HMCN1: variants seen among roughly 807,000 people sequenced by gnomAD.
HMCN1 encodes hemicentin-1.
In HMCN1, 321 loss-of-function variants were observed where a neutral mutation model predicts 625.9. That is an observed-to-expected ratio of 0.51 (90% CI 0.47 to 0.56). HMCN1 has a LOEUF of 0.56. HMCN1 is among the 20% of genes least tolerant of loss of function. HMCN1 has a pLI of 0.00. For synonymous variants in HMCN1, 2,425 were observed against 2,417.6 expected (o/e 1.00, Z -0.09); for missense variants, 6,588 against 6,887.3 (o/e 0.96, Z 1.54).
chr1:186,082,321 G>A (rs1466061842), intron 56 of HMCN1, among the ~76,000 whole-genome samples: 4 of 152,296 alleles, frequency 2.6e-5, no homozygotes, highest in Admixed American at 1.3e-4. Flanking sequence ...TCTTCCGGAT[G>A]TGGCCTTGGC....
intron 46 of HMCN1, among the ~76,000 whole-genome samples, chr1:186,058,389 G>A (rs550881786): frequency 1.1e-3 from 162 of 152,000 alleles, no homozygotes; most frequent in African/African-American, 3.7e-3. Context: ...GCAAGAGATC[G>A]TGTGCACTAT....
At chr1:186,176,845 TC>T (rs1652617207) in intron 103 of HMCN1, 1 of 152,294 alleles carries the variant, frequency 6.6e-6, no homozygotes. Context: ...AGCACTGTGA[TC>T]CAGGCAGCCT....
intron 38 of HMCN1, among the ~76,000 whole-genome samples, chr1:186,039,464 C>T (rs567151828): frequency 9.9e-5 from 15 of 152,040 alleles, no homozygotes; most frequent in East Asian, 3.9e-4. Flanking sequence ...AATTCCACTC[C>T]GGCATAAAAA....
chr1:185,740,137 A>C (rs944068261), intron 1 of HMCN1, among the ~76,000 whole-genome samples: 1 of 152,222 alleles, frequency 6.6e-6, no homozygotes, highest in Non-Finnish European at 1.5e-5. Context: ...CTCGTAGTCC[A>C]TTATGACTTT....
intron 4 of HMCN1, among the ~76,000 whole-genome samples, chr1:185,887,900 T>C (rs1327618386): frequency 7.0e-6 from 1 of 142,786 alleles, no homozygotes; most frequent in Admixed American, 6.8e-5. Context: ...TCCACAATGG[T>C]TGAACTAGTT....
At chr1:186,113,917 G>T (rs1661005120) in intron 72 of HMCN1, 62 bp from the exon 73 acceptor site, 1 of 1,557,102 alleles carries the variant, frequency 6.4e-7, no homozygotes, top group Admixed American at 1.7e-5. Flanking sequence ...CATCTTCAGG[G>T]TCTTCATGCA....
chr1:185,923,961 A>T (rs866665012), intron 8 of HMCN1, among the ~76,000 whole-genome samples: 2 of 152,198 alleles, frequency 1.3e-5, no homozygotes, highest in African/African-American at 4.8e-5. Flanking sequence ...ATATTTGCTT[A>T]AACTATCTAA....
intron 1 of HMCN1, among the ~76,000 whole-genome samples, chr1:185,772,095 G>A (rs1242456767): frequency 6.6e-6 from 1 of 152,116 alleles, no homozygotes; most frequent in Non-Finnish European, 1.5e-5. Flanking sequence ...TCTTATTTGA[G>A]GAACAACAAG....
At position 186,111,724 on chromosome 1, in the gene HMCN1, A is replaced by AT. The variant is rs750293539; in HGVS notation, c.10990-1082dup. On this transcript the variant is annotated intron_variant, in intron 71 of 106. Coordinates refer to ENST00000271588, the MANE Select transcript of HMCN1 (RefSeq NM_031935.3). ...CCATATAAAAGTTAAAAAATAAAAT[A>AT]TTTTTTATAGAACTTACTATACATA... 2.0e-5 allele frequency among the ~76,000 whole-genome samples: 3 copies of AT among 152,212 alleles called. No homozygotes were observed. The East Asian group carries it at 5.8e-4, about 29-fold the overall frequency.
intron 11 of HMCN1, 58 bp downstream of exon 11, chr1:185,933,882 T>A (rs1667686786): frequency 1.3e-6 from 2 of 1,532,716 alleles, no homozygotes; most frequent in Middle Eastern, 1.7e-4. Context: ...ATTTTTAAAA[T>A]TTTTGTCCTC....
chr1:186,176,029 G>A (rs1245722325), intron 103 of HMCN1, among the ~76,000 whole-genome samples: 1 of 152,106 alleles, frequency 6.6e-6, no homozygotes, highest in East Asian at 1.9e-4. Flanking sequence ...CTACCTTCCT[G>A]TATTGTTTTC....
intron 93 of HMCN1, among the ~76,000 whole-genome samples, chr1:186,147,592 T>C (rs1469371389): frequency 2.0e-5 from 3 of 152,136 alleles, no homozygotes; most frequent in South Asian, 4.1e-4. Context: ...ATATATAATA[T>C]AAGCATACCT....
intron 1 of HMCN1, among the ~76,000 whole-genome samples, chr1:185,836,663 G>T (rs1661189011): frequency 6.6e-6 from 1 of 152,070 alleles, no homozygotes; most frequent in Non-Finnish European, 1.5e-5. Flanking sequence ...TTAGGTTCAG[G>T]GGTACATGTG....
At chr1:185,924,255 G>C (rs572716586) in intron 8 of HMCN1, among the ~76,000 whole-genome samples, 1 of 103,504 alleles carries the variant, frequency 9.7e-6, no homozygotes, top group Admixed American at 1.3e-4. Flanking sequence ...TTTTGAGACG[G>C]AGTCTCGCTC....
At chr1:186,080,762 A>G (rs1421309948) in intron 55 of HMCN1, among the ~76,000 whole-genome samples, 2 of 152,166 alleles carry the variant, frequency 1.3e-5, no homozygotes, top group Non-Finnish European at 2.9e-5. Flanking sequence ...TCCTTTCCAA[A>G]TAAGGCCAAA....
intron 9 of HMCN1, among the ~76,000 whole-genome samples, chr1:185,926,256 G>C (rs1667271282): frequency 6.6e-6 from 1 of 152,082 alleles, no homozygotes; most frequent in East Asian, 1.9e-4. Flanking sequence ...GACAGTCTCA[G>C]CTTATACAAT....
intron 8 of HMCN1, among the ~76,000 whole-genome samples, chr1:185,924,605 A>G (rs1308631557): frequency 1.3e-5 from 2 of 152,130 alleles, no homozygotes. Context: ...AATTTGGCTT[A>G]GCCCCTAATT....
intron 4 of HMCN1, among the ~76,000 whole-genome samples, chr1:185,902,675 C>T (rs774038047): frequency 9.9e-5 from 15 of 151,504 alleles, no homozygotes; most frequent in Non-Finnish European, 2.1e-4. Flanking sequence ...ATCAATAATG[C>T]TTACGTGCCT....
intron 1 of HMCN1, among the ~76,000 whole-genome samples, chr1:185,763,751 G>T (rs1405700905): frequency 1.3e-5 from 2 of 152,164 alleles, no homozygotes; most frequent in African/African-American, 4.8e-5. Flanking sequence ...TTACAGATTA[G>T]AAAGGTAAGG....
Sources: gnomAD v4.1 joint callset for allele counts (sites outside exome capture counted in the v4.1 genomes callset) on GRCh38, gnomAD v4.1.1 for gene constraint, MANE v1.5 for transcripts, NCBI Gene and HGNC (gene_info 2026-07-23, HGNC 2026-07-21) for gene names.